SEL1L2: variants seen among roughly 807,000 people sequenced by gnomAD.
SEL1L2 encodes the protein SEL1L2 adaptor subunit of SYVN1 ubiquitin ligase.
A neutral mutation model predicts 98.8 loss-of-function variants in SEL1L2; 89 were observed. That is an observed-to-expected ratio of 0.90 (90% CI 0.76 to 1.07). SEL1L2 has a LOEUF of 1.07. SEL1L2 is among the 50% of genes least tolerant of loss of function. SEL1L2 has a pLI of 0.00. For missense variants in SEL1L2, 788 were observed against 812.0 expected, an observed-to-expected ratio of 0.97 and a Z score of 0.36; for synonymous variants, 262 against 278.5, an observed-to-expected ratio of 0.94 and a Z score of 0.59.
In SEL1L2 at chr20:13,850,176, T is replaced by C. The variant is rs779189961; in HGVS notation, c.1947+15A>G. The C allele has an allele frequency of 6.2e-7, 1 of 1,613,482 alleles. No individual in the cohort carries two copies. The highest frequency in any genetic ancestry group is 8.5e-7 in the Non-Finnish European group (1 of 1,179,572). On this transcript the variant is annotated intron_variant, in intron 19 of 19. Transcript: ENST00000284951. ...AGACTTTCAGAGATTCAGGACCTGT[T>C]CAAGACAAACTTACATTAAAAAACA...
At chr20:13,979,269 G>T (rs1196747552) in intron 1 of SEL1L2, among the ~76,000 whole-genome samples, 1 of 152,130 alleles carries the variant, frequency 6.6e-6, no homozygotes, top group Non-Finnish European at 1.5e-5. Context: ...GGGAAGAGAG[G>T]AGGATAGGGA....
chr20:13,879,383 G>C (rs559544033), intron 10 of SEL1L2, among the ~76,000 whole-genome samples: 4 of 151,924 alleles, frequency 2.6e-5, no homozygotes, highest in Admixed American at 2.6e-4. Flanking sequence ...ACAGAGTCTT[G>C]CTCTGTCACC....
At chr20:13,883,333 C>G (rs1302392272) in intron 10 of SEL1L2, among the ~76,000 whole-genome samples, 2 of 152,144 alleles carry the variant, frequency 1.3e-5, no homozygotes, top group Non-Finnish European at 2.9e-5. Context: ...ACTGAGAGAT[C>G]ATGTCATTTC....
At chr20:13,851,241 A>C (rs1207496617) in intron 18 of SEL1L2, 2 of 152,078 alleles carry the variant, frequency 1.3e-5, no homozygotes, top group Admixed American at 1.3e-4. Flanking sequence ...GAAAAAAAAA[A>C]TTGTACAGTT....
At chr20:13,994,690 A>C (rs2052600580), upstream of SEL1L2, among the ~76,000 whole-genome samples, 1 of 152,204 alleles carries the variant, frequency 6.6e-6, no homozygotes, top group Admixed American at 6.5e-5. Flanking sequence ...TCCAGAATCA[A>C]GCCAGCTTTT....
chr20:13,853,714 C>T (rs1481097023), intron 18 of SEL1L2, among the ~76,000 whole-genome samples: 1 of 152,150 alleles, frequency 6.6e-6, no homozygotes, highest in African/African-American at 2.4e-5. Context: ...ATATGACTTG[C>T]AAGTGGCAGA....
intron 10 of SEL1L2, among the ~76,000 whole-genome samples, 174 bp downstream of exon 10, chr20:13,885,173 T>G (rs1178729614): frequency 6.6e-6 from 1 of 152,164 alleles, no homozygotes; most frequent in Non-Finnish European, 1.5e-5. Context: ...AAGTGCTCCC[T>G]CTGGAGAACT....
At chr20:13,877,296 T>C (rs966124915) in intron 11 of SEL1L2, among the ~76,000 whole-genome samples, 3 of 152,184 alleles carry the variant, frequency 2.0e-5, no homozygotes, top group Middle Eastern at 3.2e-3. Flanking sequence ...ATGGGTTCAA[T>C]GAGCTGGTAT....
intron 1 of SEL1L2, among the ~76,000 whole-genome samples, chr20:13,975,359 T>A (rs2051486197): frequency 6.6e-6 from 1 of 152,202 alleles, no homozygotes; most frequent in African/African-American, 2.4e-5. Flanking sequence ...ATTTTTCATC[T>A]GGCTGTTTAA....
intron 1 of SEL1L2, among the ~76,000 whole-genome samples, chr20:13,972,216 G>A (rs2051317880): frequency 6.6e-6 from 1 of 152,278 alleles, no homozygotes; most frequent in Non-Finnish European, 1.5e-5. Context: ...GATTGGAAAT[G>A]TTAATTTACA....
At chr20:13,983,160 C>T (rs964740499) in intron 1 of SEL1L2, among the ~76,000 whole-genome samples, 6 of 151,612 alleles carry the variant, frequency 4.0e-5, no homozygotes, top group Non-Finnish European at 7.4e-5. Context: ...ACTGTTCATT[C>T]CTTCCATCAT....
At chr20:13,851,989 A>T (rs181875330) in intron 18 of SEL1L2, among the ~76,000 whole-genome samples, 35 of 152,364 alleles carry the variant, frequency 2.3e-4, no homozygotes, top group Admixed American at 2.1e-3. Context: ...AATACAATTC[A>T]GGAGATTGGA....
intron 5 of SEL1L2, among the ~76,000 whole-genome samples, chr20:13,903,049 C>T (rs1437585873): frequency 1.5e-5 from 2 of 133,814 alleles, no homozygotes; most frequent in African/African-American, 2.8e-5. Flanking sequence ...ACCTGGGAGG[C>T]AAAGATTGCA....
At chr20:13,955,743 C>T (rs2050507392) in intron 2 of SEL1L2, among the ~76,000 whole-genome samples, 1 of 152,090 alleles carries the variant, frequency 6.6e-6, no homozygotes, top group African/African-American at 2.4e-5. Context: ...CTTTATAAGC[C>T]AGGTGGGTCT....
At chr20:13,892,357 G>A (rs762141792) in intron 5 of SEL1L2, among the ~76,000 whole-genome samples, 2 of 151,922 alleles carry the variant, frequency 1.3e-5, no homozygotes, top group Non-Finnish European at 2.9e-5. Context: ...AGCTGAGGCA[G>A]GAGAATTGCT....
chr20:13,955,382 C>T (rs924688782), intron 2 of SEL1L2, among the ~76,000 whole-genome samples: 1 of 151,884 alleles, frequency 6.6e-6, no homozygotes, highest in African/African-American at 2.4e-5. Flanking sequence ...GCCCTATGGA[C>T]ATCTGGGTGC....
At chr20:13,864,183 T>C (rs1460963822) in intron 17 of SEL1L2, among the ~76,000 whole-genome samples, 1 of 152,158 alleles carries the variant, frequency 6.6e-6, no homozygotes, top group East Asian at 1.9e-4. Context: ...TTGCATTTTA[T>C]AAAACATAGA....
At position 13,886,367 on chromosome 20, in the gene SEL1L2, C is replaced by G; in HGVS notation, c.821G>C (p.Ser274Thr). ...CCAATCCAAAATCTCACTGTTAGAA[C>G]TCAGATTTTCAGGTCTTTCCGTTAG... ...VRLTERPENL[S>T]SNSEILDWDI... is the part of the protein sequence containing the mutation. Residue 274 changes from serine to threonine, a missense_variant, in exon 9 of 20, where the codon AGT (serine) becomes ACT (threonine). Ser to Thr is a moderately conservative substitution (Grantham distance 58). Transcript: ENST00000284951. 6.2e-7 allele frequency: 1 copy of G among 1,613,430 alleles called. No individual in the cohort carries two copies. Among genetic ancestry groups the G allele is most frequent in the Non-Finnish European group, 8.5e-7 (1 of 1,179,404 alleles).
intron 2 of SEL1L2, among the ~76,000 whole-genome samples, chr20:13,951,276 CAAAAAAA>C (rs764034768): frequency 0.04 from 1,024 of 25,460 alleles, 35 homozygotes; most frequent in African/African-American, 0.15. Flanking sequence ...GACTCCGTCT[CAAAAAAA>C]AAAAAAAAAA....
Sources: gnomAD v4.1 joint callset for allele counts (sites outside exome capture counted in the v4.1 genomes callset) on GRCh38, gnomAD v4.1.1 for gene constraint, MANE v1.5 for transcripts, NCBI Gene and HGNC (gene_info 2026-07-23, HGNC 2026-07-21) for gene names.